PBX4: variants seen among roughly 807,000 people sequenced by gnomAD.
PBX4 encodes pre-B-cell leukemia transcription factor 4.
PBX4 carries 26 observed loss-of-function variants against 35.1 expected under a neutral mutation model. The ratio of observed to expected loss-of-function variants is 0.74; its 90% confidence interval spans 0.54 to 1.03. The LOEUF (loss-of-function observed/expected upper bound fraction) is 1.03, where lower values mean the gene tolerates loss of function less well. PBX4 is among the 50% of genes least tolerant of loss of function. The probability of loss-of-function intolerance (pLI) is 0.00; values close to 1 mark genes in which losing one functional copy is unlikely to be tolerated. For synonymous variants in PBX4, 199 were observed against 204.2 expected (o/e 0.97, Z 0.22); for missense variants, 448 against 504.3 (o/e 0.89, Z 1.07).
At chr19:19,617,707 A>G (rs2061695423) in intron 1 of PBX4, among the ~76,000 whole-genome samples, 1 of 152,162 alleles carries the variant, frequency 6.6e-6, no homozygotes, top group Non-Finnish European at 1.5e-5. Context: ...AATTCATTAA[A>G]AAGAAAATAG....
chr19:19,600,876 C>G (rs1333259159), intron 1 of PBX4, among the ~76,000 whole-genome samples: 1 of 150,660 alleles, frequency 6.6e-6, no homozygotes, highest in African/African-American at 2.4e-5. Flanking sequence ...GGTCCAACAA[C>G]TTGAAATCTG....
intron 2 of PBX4, among the ~76,000 whole-genome samples, chr19:19,595,909 G>A (rs1228551158): frequency 1.3e-5 from 2 of 152,182 alleles, no homozygotes; most frequent in Non-Finnish European, 2.9e-5. Flanking sequence ...GAGAAAAATA[G>A]TGGGAACCCT....
At chr19:19,597,479 G>T (rs1336346773) in intron 2 of PBX4, among the ~76,000 whole-genome samples, 1 of 152,158 alleles carries the variant, frequency 6.6e-6, no homozygotes, top group Non-Finnish European at 1.5e-5. Flanking sequence ...TTCAGCCAAG[G>T]ACCAGGGTCA....
intron 2 of PBX4, among the ~76,000 whole-genome samples, chr19:19,589,590 T>C (rs531960102): frequency 6.6e-6 from 1 of 151,776 alleles, no homozygotes; most frequent in East Asian, 1.9e-4. Context: ...GCCAACGCGG[T>C]GAAATCCCAT....
intron 5 of PBX4, among the ~76,000 whole-genome samples, chr19:19,565,363 G>C (rs966738497): frequency 6.6e-6 from 1 of 152,214 alleles, no homozygotes; most frequent in Non-Finnish European, 1.5e-5. Flanking sequence ...CCTGGGAAGG[G>C]GCTGGAAGGA....
At chr19:19,581,579 C>T (rs2061454211) in intron 2 of PBX4, among the ~76,000 whole-genome samples, 1 of 152,212 alleles carries the variant, frequency 6.6e-6, no homozygotes, top group South Asian at 2.1e-4. Context: ...GGTGATGACA[C>T]AGGGCAGAGC....
chr19:19,609,834 C>G (rs1299253133), intron 1 of PBX4, among the ~76,000 whole-genome samples: 1 of 151,800 alleles, frequency 6.6e-6, no homozygotes, highest in East Asian at 2.0e-4. Flanking sequence ...CTGGGCGACA[C>G]AGCGAGACTC....
In PBX4 at chr19:19,563,194, G is replaced by A. The variant is rs1296800841; in HGVS notation, c.1032+315C>T. 6.6e-6 allele frequency among the ~76,000 whole-genome samples: 1 copy of A among 152,160 alleles called. No homozygotes were observed. Among genetic ancestry groups the A allele is most frequent in the Non-Finnish European group, 1.5e-5 (1 of 68,022 alleles). On this transcript the variant is annotated intron_variant, in intron 7 of 7. Transcript: ENST00000251203. This position sits in a 1 kb window ranked among gnomAD's most constrained non-coding sequence, Gnocchi z 5.1. ...GGCTGCCTGCCCCTCCCTCTCGAGG[G>A]AAGGACACCATGTCCTCCCACAGTC...
intron 1 of PBX4, among the ~76,000 whole-genome samples, chr19:19,605,416 A>AAATAATAATAAT (rs34936775): frequency 0.15 from 20,773 of 139,188 alleles, 1,788 homozygotes; most frequent in Admixed American, 0.22. Flanking sequence ...CTCTGTCTCA[A>AAATAATAATAAT]AATAATAATA....
chr19:19,596,911 C>CAAA (rs57080281), intron 2 of PBX4, among the ~76,000 whole-genome samples: 1 of 96,850 alleles, frequency 1.0e-5, no homozygotes, highest in African/African-American at 4.3e-5. Flanking sequence ...ACCCTGTCTC[C>CAAA]AAAAAAAAAA....
In PBX4 at chr19:19,568,243, G is replaced by T. The variant is rs564326024; in HGVS notation, c.768+1206C>A. ...GCTCACACTCCATCTGTATCCCTCA[G>T]GGAGCTCACACTCCATCTGTAACCC... On this transcript the variant is annotated intron_variant, in intron 5 of 7. Coordinates refer to ENST00000251203, the MANE Select transcript of PBX4 (RefSeq NM_025245.3). Among the ~76,000 whole-genome samples, 5 of 144,880 alleles carry T rather than the reference G, an allele frequency of 3.5e-5. No homozygotes were observed. The East Asian group carries it at 1.1e-3, about 31-fold the overall frequency.
At chr19:19,598,719 G>A (rs375088900) in intron 2 of PBX4, among the ~76,000 whole-genome samples, 1 of 152,150 alleles carries the variant, frequency 6.6e-6, no homozygotes, top group South Asian at 2.1e-4. Context: ...ATTTGCAACA[G>A]TATTTCTCAG....
chr19:19,582,633 G>A (rs1334583703), intron 2 of PBX4, among the ~76,000 whole-genome samples: 3 of 152,120 alleles, frequency 2.0e-5, no homozygotes, highest in East Asian at 3.9e-4. Flanking sequence ...CATGTGATCC[G>A]ATTTTTCCAG....
In PBX4 at chr19:19,579,383, G is replaced by A. The variant is rs1315052019; in HGVS notation, c.194-8550C>T. On this transcript the variant is annotated intron_variant, in intron 2 of 7. Coordinates refer to ENST00000251203, the MANE Select transcript of PBX4 (RefSeq NM_025245.3). ...CACCCAGTCTGTGGCATTTTGTTAGGGTGGCCTGAGTAGACTAAGACAGTA... is the reference window on the plus strand; with the variant it reads ...CACCCAGTCTGTGGCATTTTGTTAGAGTGGCCTGAGTAGACTAAGACAGTA... Among the ~76,000 whole-genome samples the A allele has an allele frequency of 2.4e-4, 36 of 152,180 alleles. 1 individual carries two copies. In the South Asian group the frequency reaches 2.9e-3, roughly 12 times the overall value.
At chr19:19,564,882 G>A in intron 6 of PBX4, 51 bp downstream of exon 6, 1 of 1,610,170 alleles carries the variant, frequency 6.2e-7, no homozygotes, top group Non-Finnish European at 8.5e-7. Context: ...ATGCAGCTCA[G>A]TGGCCGTCCA....
chr19:19,564,942 G>T lies in PBX4; in HGVS notation c.916C>A (p.Pro306Thr), dbSNP rs763456034. The T allele has an allele frequency of 3.7e-6, 6 of 1,614,138 alleles. No individual in the cohort carries two copies. The Admixed American group carries it at 1.0e-4, about 27-fold the overall frequency. ...GGCCAGCCTCACTCACCGGAGCTAG[G>T]TGTTGACAGGCAGCTGGCGTGGTTC... The part of the protein sequence containing the change: ...PGNHASCLST[P>T]SSGSSGPFPL... The change falls in exon 6 of 8, where the codon CCT becomes ACT. Residue 306 changes from proline to threonine, a missense_variant. Transcript: ENST00000251203.
chr19:19,598,285 T>C (rs2061572372), intron 2 of PBX4, among the ~76,000 whole-genome samples: 2 of 147,316 alleles, frequency 1.4e-5, no homozygotes, highest in Admixed American at 1.4e-4. Context: ...ACTTTTCTTT[T>C]TCTTTTCTTT....
chr19:19,613,715 C>T (rs992913096), intron 1 of PBX4, among the ~76,000 whole-genome samples: 2 of 152,140 alleles, frequency 1.3e-5, no homozygotes, highest in African/African-American at 2.4e-5. Flanking sequence ...AAACCATCTT[C>T]CCCCTTTCCC....
In PBX4 at chr19:19,563,542, C is replaced by A. The variant is rs1243122199; in HGVS notation, c.999G>T (p.Gln333His). 1.3e-6 allele frequency: 2 copies of A among 1,550,610 alleles called. No homozygotes were observed. Among genetic ancestry groups the A allele is most frequent in the African/African-American group, 1.4e-5 (1 of 73,258 alleles). Residue 333 changes from glutamine (Q) to histidine (H), a missense_variant, in exon 7 of 8, where the codon CAG becomes CAT. Transcript: ENST00000251203. This position sits in a 1 kb window ranked among gnomAD's most constrained non-coding sequence, Gnocchi z 5.1. ...GCAGGCAGCCTCCCCCAGGAGGAGG[C>A]TGGAGAGAGGCCAGAGTCCGCAGGG... ...FLTLRTLASL[Q>H]PPPGGGCLQS...
Sources: allele counts gnomAD v4.1 joint callset (sites outside exome capture counted in the v4.1 genomes callset), GRCh38; gene constraint gnomAD v4.1.1; non-coding constraint Gnocchi (gnomAD v3.1); transcripts MANE v1.5; gene names NCBI Gene and HGNC (gene_info 2026-07-23, HGNC 2026-07-21).